The following KCNMA1 variants were observed in gnomAD, a reference collection of about 807,000 sequenced individuals.
The protein encoded by KCNMA1 is potassium calcium-activated channel subfamily M alpha 1.
KCNMA1 carries 29 observed loss-of-function variants against 140.0 expected under a neutral mutation model. That is an observed-to-expected ratio of 0.21 (90% confidence interval 0.15 to 0.28). The LOEUF is 0.28. KCNMA1 is among the 10% of genes least tolerant of loss of function. The probability of loss-of-function intolerance (pLI) is 1.00; values close to 1 mark genes in which losing one functional copy is unlikely to be tolerated. For missense variants in KCNMA1, 880 were observed against 1,602.2 expected, an observed-to-expected ratio of 0.55 and a Z score of 7.70; for synonymous variants, 612 against 611.9, an observed-to-expected ratio of 1.00 and a Z score of 0.00.
chr10:77,418,640 C>T (rs1298833754), intron 1 of KCNMA1, among the ~76,000 whole-genome samples: 5 of 152,110 alleles, frequency 3.3e-5, no homozygotes, highest in African/African-American at 9.7e-5. Flanking sequence ...TCCAGCCCTA[C>T]GATGAAGTTG....
chr10:77,298,894 C>T (rs2075894321), intron 2 of KCNMA1, among the ~76,000 whole-genome samples: 1 of 152,216 alleles, frequency 6.6e-6, no homozygotes. Context: ...GGGGAAGGAG[C>T]TGGCCTGGGC....
At chr10:76,930,454 T>C (rs1045400662) in intron 23 of KCNMA1, among the ~76,000 whole-genome samples, 2 of 152,196 alleles carry the variant, frequency 1.3e-5, no homozygotes, top group African/African-American at 4.8e-5. Context: ...ATTGCTATTA[T>C]TGAAAAGACA....
At chr10:77,538,675 C>G (rs899408927) in intron 1 of KCNMA1, among the ~76,000 whole-genome samples, 11 of 152,112 alleles carry the variant, frequency 7.2e-5, no homozygotes, top group African/African-American at 2.7e-4. Context: ...ATCTATGATC[C>G]ATCAATGGCA....
intron 19 of KCNMA1, chr10:76,980,011 T>C (rs1300925447): frequency 6.6e-6 from 1 of 152,228 alleles, no homozygotes; most frequent in Non-Finnish European, 1.5e-5. Flanking sequence ...TCTTGAACTA[T>C]AAAATCTTTA....
intron 25 of KCNMA1, among the ~76,000 whole-genome samples, chr10:76,909,568 G>A (rs1373548909): frequency 6.6e-6 from 1 of 151,986 alleles, no homozygotes; most frequent in Admixed American, 6.6e-5. Context: ...TGCCTTCTTT[G>A]AGAGCCTCAG....
At chr10:77,125,681 A>G (rs2097716504) in intron 5 of KCNMA1, among the ~76,000 whole-genome samples, 1 of 152,214 alleles carries the variant, frequency 6.6e-6, no homozygotes, top group Non-Finnish European at 1.5e-5. Context: ...TCTCTTTAGC[A>G]TCAGCTCTAT....
At chr10:77,130,921 A>G (rs990349465) in intron 5 of KCNMA1, among the ~76,000 whole-genome samples, 11 of 152,208 alleles carry the variant, frequency 7.2e-5, no homozygotes, top group Admixed American at 7.2e-4. Context: ...CAGAATATTA[A>G]AAATGTCTTT....
chr10:77,165,419 T>C (rs2098629938), intron 5 of KCNMA1, among the ~76,000 whole-genome samples: 1 of 152,184 alleles, frequency 6.6e-6, no homozygotes, highest in African/African-American at 2.4e-5. Flanking sequence ...ATCCATACAT[T>C]TGTTCATTTT....
At chr10:77,093,707 A>G (rs1462224008) in intron 9 of KCNMA1, among the ~76,000 whole-genome samples, 1 of 152,234 alleles carries the variant, frequency 6.6e-6, no homozygotes, top group East Asian at 1.9e-4. Flanking sequence ...GAAGAGAACT[A>G]GAATTTATTG....
At chr10:77,621,416 G>A (rs2154569663) in intron 1 of KCNMA1, among the ~76,000 whole-genome samples, 1 of 152,258 alleles carries the variant, frequency 6.6e-6, no homozygotes, top group East Asian at 1.9e-4. Flanking sequence ...TTCCACACCA[G>A]GTTGCACAGG....
chr10:77,408,695 G>A (rs1296930373), intron 1 of KCNMA1, among the ~76,000 whole-genome samples: 1 of 152,070 alleles, frequency 6.6e-6, no homozygotes, highest in Admixed American at 6.5e-5. Flanking sequence ...GGGAAGAATA[G>A]GGAGAAAAAT....
intron 1 of KCNMA1, among the ~76,000 whole-genome samples, chr10:77,501,869 C>T (rs1345628922): frequency 6.6e-6 from 1 of 152,182 alleles, no homozygotes; most frequent in Non-Finnish European, 1.5e-5. Flanking sequence ...TCAAAATGTC[C>T]TGTGGGGCAG....
At chr10:77,400,864 G>C (rs950749688) in intron 2 of KCNMA1, among the ~76,000 whole-genome samples, 2 of 152,006 alleles carry the variant, frequency 1.3e-5, no homozygotes, top group Admixed American at 1.3e-4. Flanking sequence ...TGCCAGGAGA[G>C]TCTCAAGGTG....
chr10:76,920,990 T>C (rs2055535453), intron 23 of KCNMA1, among the ~76,000 whole-genome samples: 1 of 152,208 alleles, frequency 6.6e-6, no homozygotes, highest in African/African-American at 2.4e-5. Flanking sequence ...CAAAGTACTT[T>C]CTAAATCTTC....
At chr10:77,529,203 A>C (rs2056880708) in intron 1 of KCNMA1, among the ~76,000 whole-genome samples, 2 of 151,734 alleles carry the variant, frequency 1.3e-5, no homozygotes, top group South Asian at 4.2e-4. Context: ...GTTATGCACT[A>C]AGTTCCCCCA....
At chr10:77,439,082 AAAGAAAAGAGAAGAG>A (rs2097327432) in intron 1 of KCNMA1, among the ~76,000 whole-genome samples, 1 of 123,058 alleles carries the variant, frequency 8.1e-6, no homozygotes, top group Non-Finnish European at 1.7e-5. Context: ...AAAAGAAAGA[AAAGAAAAGAGAAGAG>A]AAGAGAAGAG....
intron 2 of KCNMA1, among the ~76,000 whole-genome samples, chr10:77,340,221 G>A (rs543183922): frequency 1.2e-4 from 18 of 152,318 alleles, no homozygotes; most frequent in African/African-American, 3.8e-4. Flanking sequence ...AACAGGTGCT[G>A]GAGAGGATGT....
intron 1 of KCNMA1, among the ~76,000 whole-genome samples, chr10:77,537,450 G>C (rs558550934): frequency 1.3e-5 from 2 of 152,262 alleles, no homozygotes; most frequent in East Asian, 1.9e-4. Flanking sequence ...ATGGACAAAT[G>C]CCAGAACCAG....
chr10:77,634,358 T>G (rs1379291298), intron 1 of KCNMA1: 1 of 985,364 alleles, frequency 1.0e-6, no homozygotes, highest in East Asian at 1.1e-4. Context: ...AAAGTCCACA[T>G]GCCACTCTTT....
Sources: allele counts gnomAD v4.1 joint callset (sites outside exome capture counted in the v4.1 genomes callset), GRCh38; gene constraint gnomAD v4.1.1; transcripts MANE v1.5; gene names NCBI Gene and HGNC (gene_info 2026-07-23, HGNC 2026-07-21).